DYSF: variants seen among roughly 807,000 people sequenced by gnomAD.
DYSF encodes the protein dystrophy-associated fer-1-like 1.
In DYSF, 212 loss-of-function variants were observed where a neutral mutation model predicts 274.9. The observed-to-expected ratio is 0.77, with a 90% CI of 0.69 to 0.86. DYSF has a LOEUF of 0.86. Ranked by LOEUF, DYSF falls within the 40% of genes least tolerant of loss-of-function variation. DYSF has a pLI of 0.00. For missense variants in DYSF, 2,666 were observed against 2,783.2 expected, an observed-to-expected ratio of 0.96 and a Z score of 0.95; for synonymous variants, 1,091 against 1,078.7, an observed-to-expected ratio of 1.01 and a Z score of -0.22.
At chr2:71,551,442 C>G (rs371337140) in intron 18 of DYSF, among the ~76,000 whole-genome samples, 165 bp from the exon 19 acceptor site, 1 of 152,212 alleles carries the variant, frequency 6.6e-6, no homozygotes, top group Non-Finnish European at 1.5e-5. Flanking sequence ...TCATATCCCC[C>G]GAACTCTCTG....
intron 16 of DYSF, among the ~76,000 whole-genome samples, chr2:71,537,223 GTTTTTTTT>G (rs71402990): frequency 1.3e-5 from 1 of 79,626 alleles, no homozygotes; most frequent in African/African-American, 4.7e-5. Flanking sequence ...TTCTAGTTTT[GTTTTTTTT>G]TTTTTTTTTT....
chr2:71,668,749 C>T lies in DYSF; in HGVS notation c.5458-5C>T, dbSNP rs780391061. 19 of 1,613,048 alleles carry T rather than the reference C, an allele frequency of 1.2e-5. No individual in the cohort carries two copies. The Admixed American group carries it at 1.3e-4, about 11-fold the overall frequency. ...GTGGGGAGAGAACGGACCCTGTCTC[C>T]GCAGGGGAAGCTGCAGATGTGGGTC... is the stretch of plus-strand genomic sequence containing the variant. On this transcript the variant is annotated splice_region_variant and splice_polypyrimidine_tract_variant and intron_variant, in intron 48 of 55. Coordinates refer to ENST00000410020, the MANE Select transcript of DYSF (RefSeq NM_001130987.2).
At chr2:71,539,060 C>A (rs2089663662) in intron 16 of DYSF, 97 bp from the exon 17 acceptor site, 1 of 1,061,064 alleles carries the variant, frequency 9.4e-7, no homozygotes, top group Non-Finnish European at 1.5e-6. Flanking sequence ...GCCCCCCGCC[C>A]CCCTGTGATG....
At chr2:71,460,284 G>T (rs2081233657) in intron 1 of DYSF, among the ~76,000 whole-genome samples, 4 of 152,208 alleles carry the variant, frequency 2.6e-5, no homozygotes. Context: ...AGGGGAAAGG[G>T]GGCCGGGGAG....
intron 40 of DYSF, among the ~76,000 whole-genome samples, chr2:71,614,664 G>A (rs2093843272): frequency 6.6e-6 from 1 of 152,178 alleles, no homozygotes; most frequent in African/African-American, 2.4e-5. Context: ...AAGCTCAGGG[G>A]AGCAACTGCG....
chr2:71,549,578 C>T (rs2090775273), intron 17 of DYSF, among the ~76,000 whole-genome samples: 2 of 151,954 alleles, frequency 1.3e-5, no homozygotes, highest in Non-Finnish European at 2.9e-5. Context: ...TGTAAATCAT[C>T]TGGAATGCTT....
chr2:71,458,428 C>T (rs1302682915), intron 1 of DYSF, among the ~76,000 whole-genome samples: 1 of 152,202 alleles, frequency 6.6e-6, no homozygotes, highest in East Asian at 1.9e-4. Context: ...ACACAACAGG[C>T]CAAGTGGTGG....
rs555584044 is a variant in DYSF, at chr2:71,497,727, G to T, written c.240-5487G>T. 5.3e-5 allele frequency among the ~76,000 whole-genome samples: 8 copies of T among 152,354 alleles called. No homozygotes were observed. The East Asian group carries it at 1.5e-3, about 29-fold the overall frequency. ...GATGAAGATGAACTGGGAAAGAAGA[G>T]AGTTTATTTCTGTAATCAGGTACAG... On this transcript the variant is annotated intron_variant, in intron 3 of 55. Coordinates refer to ENST00000410020, the MANE Select transcript of DYSF (RefSeq NM_001130987.2).
chr2:71,465,417 G>A (rs13431456), upstream of DYSF, among the ~76,000 whole-genome samples: 34,318 of 151,972 alleles, frequency 0.23, 4,317 homozygotes, highest in East Asian at 0.45. Flanking sequence ...GAGGTTGGGC[G>A]ATGGGGTGTC....
intron 7 of DYSF, 86 bp from the exon 8 acceptor site, chr2:71,515,537 C>A: frequency 1.3e-6 from 2 of 1,592,920 alleles, no homozygotes; most frequent in Non-Finnish European, 1.7e-6. Context: ...GAGATGGTCC[C>A]TGAGATTTCT....
At chr2:71,561,149 C>G (rs1005419424) in intron 22 of DYSF, among the ~76,000 whole-genome samples, 5 of 152,110 alleles carry the variant, frequency 3.3e-5, no homozygotes, top group Non-Finnish European at 7.4e-5. Flanking sequence ...GCATGTACCC[C>G]CCACCTCCTC....
chr2:71,513,794 G>C lies in DYSF; in HGVS notation c.632G>C (p.Gly211Ala), dbSNP rs768820090. ...GAGCCATTCCTGGATCAAAGCGGAG[G>C]CCCGGGGGCTCCCACCACCCCAAGG... ...EAEPFLDQSGGPGAPTTPRKL... is the reference protein window; with the variant it reads ...EAEPFLDQSGAPGAPTTPRKL... Residue 211 changes from glycine (G) to alanine (A), a missense_variant, in exon 7 of 56, where the codon GGC becomes GCC. Around this residue, in one of 3 missense-constraint regions of DYSF, gnomAD observed 794 missense variants for 777.1 expected, o/e 1.02. Coordinates refer to ENST00000410020, the MANE Select transcript of DYSF (RefSeq NM_001130987.2). 6.2e-7 allele frequency: 1 copy of C among 1,614,082 alleles called. No homozygotes were observed. Among genetic ancestry groups the C allele is most frequent in the South Asian group, 1.1e-5 (1 of 91,076 alleles).
At chr2:71,478,907 C>T (rs957813826) in intron 1 of DYSF, among the ~76,000 whole-genome samples, 1 of 152,072 alleles carries the variant, frequency 6.6e-6, no homozygotes, top group Non-Finnish European at 1.5e-5. Context: ...TCTCTGCTTC[C>T]CTCCTCCTCT....
chr2:71,547,451 C>T (rs550717968), intron 17 of DYSF, among the ~76,000 whole-genome samples: 1 of 152,238 alleles, frequency 6.6e-6, no homozygotes, highest in African/African-American at 2.4e-5. Context: ...AGTTCGAGAC[C>T]AGCCTGGCTA....
At chr2:71,609,759 G>A (rs1161909341) in intron 36 of DYSF, among the ~76,000 whole-genome samples, 1 of 152,218 alleles carries the variant, frequency 6.6e-6, no homozygotes. Flanking sequence ...CGCTGCACAG[G>A]AGTGTGGCTT....
chr2:71,670,891 G>A (rs921055925), intron 51 of DYSF, among the ~76,000 whole-genome samples: 1 of 152,102 alleles, frequency 6.6e-6, no homozygotes, highest in Non-Finnish European at 1.5e-5. Context: ...CCACCCTGAG[G>A]TGCTCTCCAA....
intron 4 of DYSF, among the ~76,000 whole-genome samples, chr2:71,507,671 G>T (rs1162226676): frequency 6.6e-6 from 1 of 152,172 alleles, no homozygotes; most frequent in East Asian, 1.9e-4. Flanking sequence ...AATGGGTCAG[G>T]CCAGACATGT....
At chr2:71,638,612 T>G (rs1004858012) in intron 41 of DYSF, among the ~76,000 whole-genome samples, 8 of 152,240 alleles carry the variant, frequency 5.3e-5, no homozygotes, top group Non-Finnish European at 8.8e-5. Context: ...ATTCTTTCAC[T>G]TAGCATAAGG....
intron 53 of DYSF, among the ~76,000 whole-genome samples, chr2:71,679,818 A>T (rs1474042865): frequency 1.3e-5 from 2 of 152,286 alleles, no homozygotes; most frequent in Non-Finnish European, 2.9e-5. Flanking sequence ...AAATACTAGT[A>T]CCCCAAAGGA....
Sources: gnomAD v4.1 joint callset for allele counts (sites outside exome capture counted in the v4.1 genomes callset) on GRCh38, gnomAD v4.1.1 for gene constraint, gnomAD v4.1.1 regional missense constraint, MANE v1.5 for transcripts, NCBI Gene and HGNC (gene_info 2026-07-23, HGNC 2026-07-21) for gene names.